ASTN2: variants seen among roughly 807,000 people sequenced by gnomAD.
ASTN2 encodes the protein astrotactin-2.
Under a neutral mutation model 139.8 loss-of-function variants are expected in ASTN2, and 54 were observed. The observed-to-expected ratio is 0.39, with a 90% confidence interval of 0.31 to 0.48. The LOEUF is 0.48. Among genes scored for constraint, ASTN2 ranks in the 20% least tolerant of loss-of-function variants. The probability of loss-of-function intolerance (pLI) is 0.95; values close to 1 mark genes in which losing one functional copy is unlikely to be tolerated. For synonymous variants in ASTN2, 756 were observed against 719.5 expected, an observed-to-expected ratio of 1.05 and a Z score of -0.81; for missense variants, 1,565 against 1,725.1, an observed-to-expected ratio of 0.91 and a Z score of 1.64.
intron 17 of ASTN2, among the ~76,000 whole-genome samples, chr9:116,644,937 A>G (rs905041234): frequency 1.3e-5 from 2 of 152,174 alleles, no homozygotes; most frequent in Non-Finnish European, 2.9e-5. Context: ...AAAGAAATGG[A>G]GACCTAGACA....
At chr9:117,000,604 A>C (rs1023647118) in intron 7 of ASTN2, among the ~76,000 whole-genome samples, 1 of 152,198 alleles carries the variant, frequency 6.6e-6, no homozygotes, top group Non-Finnish European at 1.5e-5. Flanking sequence ...GGACCAGAGC[A>C]AGTAGTCCTT....
chr9:117,156,683 C>T (rs1258979876), intron 3 of ASTN2, among the ~76,000 whole-genome samples: 3 of 151,974 alleles, frequency 2.0e-5, no homozygotes, highest in African/African-American at 7.2e-5. Flanking sequence ...GCAGTGACAT[C>T]ACTTTGCAAA....
intron 1 of ASTN2, among the ~76,000 whole-genome samples, chr9:117,394,768 A>C (rs1472795386): frequency 6.6e-6 from 1 of 152,208 alleles, no homozygotes; most frequent in Non-Finnish European, 1.5e-5. Context: ...AGGAACTGTG[A>C]GAGAGACAAG....
At chr9:117,080,969 G>C (rs753693056) in intron 5 of ASTN2, among the ~76,000 whole-genome samples, 53 of 152,196 alleles carry the variant, frequency 3.5e-4, no homozygotes, top group Non-Finnish European at 6.8e-4. Context: ...TGGATAGAGA[G>C]CCAAGGGGAC....
chr9:116,544,083 C>T (rs1851990552), intron 19 of ASTN2, among the ~76,000 whole-genome samples: 1 of 152,132 alleles, frequency 6.6e-6, no homozygotes, highest in African/African-American at 2.4e-5. Flanking sequence ...GAATCGACTG[C>T]CAAAACGACC....
chr9:116,881,193 T>G (rs1833442770), intron 10 of ASTN2, among the ~76,000 whole-genome samples: 1 of 152,150 alleles, frequency 6.6e-6, no homozygotes, highest in African/African-American at 2.4e-5. Context: ...TATTAAAGTG[T>G]GGGATGGGTG....
intron 13 of ASTN2, among the ~76,000 whole-genome samples, chr9:116,799,755 A>C (rs945423773): frequency 1.3e-5 from 2 of 151,544 alleles, no homozygotes; most frequent in Non-Finnish European, 2.9e-5. Flanking sequence ...AATACCACCA[A>C]TCTTTGGTGA....
chr9:117,173,647 TA>T (rs919524284), intron 3 of ASTN2, among the ~76,000 whole-genome samples: 2 of 151,688 alleles, frequency 1.3e-5, no homozygotes, highest in African/African-American at 2.4e-5. Flanking sequence ...AACAAAATAA[TA>T]AAAAAATAGA....
chr9:116,535,830 T>C (rs1009473381), intron 19 of ASTN2, among the ~76,000 whole-genome samples: 3 of 152,196 alleles, frequency 2.0e-5, no homozygotes, highest in Non-Finnish European at 4.4e-5. Context: ...GATAATTATG[T>C]GTCTTGGAGT....
At chr9:117,097,638 G>A (rs889811711) in intron 4 of ASTN2, among the ~76,000 whole-genome samples, 1 of 152,108 alleles carries the variant, frequency 6.6e-6, no homozygotes, top group Non-Finnish European at 1.5e-5. Context: ...AACAGAGGGA[G>A]GCTACTTTTC....
chr9:117,153,530 T>G (rs1003654554), intron 3 of ASTN2, among the ~76,000 whole-genome samples: 2 of 152,230 alleles, frequency 1.3e-5, no homozygotes, highest in South Asian at 2.1e-4. Context: ...TATAAATGCG[T>G]GAGTGAGGCA....
At chr9:116,847,021 A>AC (rs1402468696) in intron 11 of ASTN2, among the ~76,000 whole-genome samples, 7 of 113,318 alleles carry the variant, frequency 6.2e-5, no homozygotes, top group African/African-American at 2.4e-4. Flanking sequence ...AAAAAAAAAA[A>AC]AAAAACAAAA....
chr9:117,329,180 C>CTTTTTTT (rs749880987), intron 1 of ASTN2, among the ~76,000 whole-genome samples: 119 of 82,430 alleles, frequency 1.4e-3, no homozygotes, highest in East Asian at 4.6e-3. Flanking sequence ...CTTCCAAGTT[C>CTTTTTTT]TTTTTTTTTT....
intron 13 of ASTN2, among the ~76,000 whole-genome samples, chr9:116,773,129 G>A (rs540275526): frequency 2.8e-5 from 4 of 145,212 alleles, no homozygotes; most frequent in South Asian, 2.2e-4. Context: ...TCTGCCCAGT[G>A]AGCCATGTTC....
intron 4 of ASTN2, among the ~76,000 whole-genome samples, chr9:117,139,280 C>G (rs1322510706): frequency 6.6e-6 from 1 of 152,188 alleles, no homozygotes; most frequent in Non-Finnish European, 1.5e-5. Context: ...TACATTCAGC[C>G]TTTTATCAGG....
At chr9:116,568,947 C>T (rs537114271) in intron 19 of ASTN2, 1 of 152,220 alleles carries the variant, frequency 6.6e-6, no homozygotes, top group East Asian at 1.9e-4. Context: ...TTTTTTTACT[C>T]TGACACTATT....
intron 5 of ASTN2, among the ~76,000 whole-genome samples, chr9:117,048,342 G>C (rs1017817047): frequency 6.6e-6 from 1 of 152,194 alleles, no homozygotes; most frequent in Non-Finnish European, 1.5e-5. Context: ...GAGAAGGGCT[G>C]TCGCTCCTCC....
chr9:116,782,519 A>C (rs1830245923), intron 13 of ASTN2, among the ~76,000 whole-genome samples: 1 of 151,556 alleles, frequency 6.6e-6, no homozygotes. Context: ...TTATCCTTTC[A>C]CCTCCCTGGG....
At chr9:116,610,685 T>C (rs560561770) in intron 19 of ASTN2, among the ~76,000 whole-genome samples, 1 of 152,242 alleles carries the variant, frequency 6.6e-6, no homozygotes, top group Admixed American at 6.6e-5. Context: ...TTAGACAAAG[T>C]AGATTTCAGA....
Sources: gnomAD v4.1 joint callset for allele counts (sites outside exome capture counted in the v4.1 genomes callset) on GRCh38, gnomAD v4.1.1 for gene constraint, MANE v1.5 for transcripts, NCBI Gene and HGNC (gene_info 2026-07-23, HGNC 2026-07-21) for gene names.